The following FMNL2 variants were observed in gnomAD, a reference collection of about 807,000 sequenced individuals.
FMNL2 encodes the protein formin-like protein 2.
Under a neutral mutation model 130.2 loss-of-function variants are expected in FMNL2, and 51 were observed. That is an observed-to-expected ratio of 0.39 (90% CI 0.31 to 0.49). The LOEUF is 0.49. Among genes scored for constraint, FMNL2 ranks in the 20% least tolerant of loss-of-function variants. The pLI, the probability that FMNL2 is intolerant of heterozygous loss-of-function variation, is 0.85. For missense variants in FMNL2, 977 were observed against 1,316.2 expected (o/e 0.74, Z 3.99); for synonymous variants, 465 against 467.1 (o/e 1.00, Z 0.06).
chr2:152,445,750 A>G (rs1283232910), intron 1 of FMNL2, among the ~76,000 whole-genome samples: 3 of 152,058 alleles, frequency 2.0e-5, no homozygotes, highest in African/African-American at 7.2e-5. Context: ...AGCCTGGAGG[A>G]AGCCACATTT....
chr2:152,553,025 G>C (rs1695022491), intron 4 of FMNL2, among the ~76,000 whole-genome samples: 1 of 152,186 alleles, frequency 6.6e-6, no homozygotes, highest in Non-Finnish European at 1.5e-5. Context: ...AGAGAGAACA[G>C]GCATGAGATG....
chr2:152,470,987 A>C (rs531208442), intron 1 of FMNL2, among the ~76,000 whole-genome samples: 1 of 152,212 alleles, frequency 6.6e-6, no homozygotes, highest in African/African-American at 2.4e-5. Context: ...CCACCAGCTA[A>C]CTGTCATTGC....
chr2:152,380,588 C>T (rs1684406578), intron 1 of FMNL2, among the ~76,000 whole-genome samples: 1 of 152,220 alleles, frequency 6.6e-6, no homozygotes, highest in East Asian at 1.9e-4. Flanking sequence ...CTCAGGTTTT[C>T]CCCTTTAGCT....
chr2:152,455,936 T>C (rs145586502), intron 1 of FMNL2, among the ~76,000 whole-genome samples: 1 of 152,314 alleles, frequency 6.6e-6, no homozygotes, highest in Admixed American at 6.5e-5. Context: ...TGTGGTCTTT[T>C]AACTCCTAGC....
chr2:152,521,207 A>G (rs1054362103), intron 1 of FMNL2, among the ~76,000 whole-genome samples: 12 of 152,158 alleles, frequency 7.9e-5, no homozygotes, highest in African/African-American at 2.9e-4. Flanking sequence ...GTCATTTGGG[A>G]CATTAGATTC....
In FMNL2 at chr2:152,649,525, C is replaced by T. The variant is rs1383954297; in HGVS notation, c.*1620C>T. The T allele has an allele frequency of 6.6e-6, 1 of 152,560 alleles. No homozygotes were observed. Among genetic ancestry groups the T allele is most frequent in the African/African-American group, 2.4e-5 (1 of 41,430 alleles). 9.5% of individuals were successfully genotyped at this position (152,560 alleles called of 1,614,324 possible). A position where few individuals can be genotyped will look rare whatever the true frequency, so the allele number is the denominator to read the frequency against. On this transcript the variant is annotated 3_prime_UTR_variant, in exon 26 of 26. Transcript: ENST00000288670. ...AATGTGTACTTTACTTTAAAAAGAA[C>T]ATGCCACGATTTTGTCTTTCTGTGG...
intron 18 of FMNL2, 108 bp downstream of exon 18, chr2:152,628,641 C>A: frequency 1.1e-6 from 1 of 881,996 alleles, no homozygotes; most frequent in Non-Finnish European, 1.8e-6. Flanking sequence ...CTAAAGACTC[C>A]TTCCCAGAAC....
At chr2:152,463,776 C>T (rs2105140615) in intron 1 of FMNL2, among the ~76,000 whole-genome samples, 3 of 152,358 alleles carry the variant, frequency 2.0e-5, no homozygotes, top group Middle Eastern at 3.4e-3. Context: ...GCTCCCGGTA[C>T]TACTCAGCCA....
chr2:152,603,447 G>A lies in FMNL2; in HGVS notation c.877-3892G>A, dbSNP rs368434275. ...TAGAGGTATTTCTCTGTTTTGTAAC[G>A]CACATGTTCTCAGTAGGGATTTGTC... On this transcript the variant is annotated intron_variant, in intron 9 of 25. Coordinates refer to ENST00000288670, the MANE Select transcript of FMNL2 (RefSeq NM_052905.4). Among the ~76,000 whole-genome samples the A allele has an allele frequency of 7.6e-4, 103 of 134,794 alleles. 6 individuals are homozygous for A. The highest frequency in any genetic ancestry group is 4.5e-4 in the Admixed American group (6 of 13,314). 88.4% of individuals were successfully genotyped at this position (134,794 alleles called of 152,430 possible). A position where few individuals can be genotyped will look rare whatever the true frequency, so the allele number is the denominator to read the frequency against.
intron 1 of FMNL2, among the ~76,000 whole-genome samples, chr2:152,501,995 A>G (rs1691863238): frequency 6.6e-6 from 1 of 152,228 alleles, no homozygotes; most frequent in Non-Finnish European, 1.5e-5. Flanking sequence ...CCTGTCATTT[A>G]ACAGTAGCTT....
At chr2:152,632,201 A>G in intron 21 of FMNL2, 64 bp downstream of exon 21, 1 of 1,559,604 alleles carries the variant, frequency 6.4e-7, no homozygotes, top group Non-Finnish European at 8.7e-7. Context: ...TGGTGGAGCC[A>G]TTCCCTGCTT....
At chr2:152,553,149 A>G (rs1695029397) in intron 4 of FMNL2, among the ~76,000 whole-genome samples, 1 of 152,174 alleles carries the variant, frequency 6.6e-6, no homozygotes, top group Admixed American at 6.6e-5. Context: ...CTTCTTTATG[A>G]ATCAGTGCTG....
chr2:152,503,521 T>A (rs1691976131), intron 1 of FMNL2, among the ~76,000 whole-genome samples: 1 of 151,956 alleles, frequency 6.6e-6, no homozygotes. Flanking sequence ...TATAAGGAAG[T>A]GTATACACGG....
At chr2:152,643,717 G>T (rs1320581649) in intron 25 of FMNL2, 1 of 985,198 alleles carries the variant, frequency 1.0e-6, no homozygotes, top group Non-Finnish European at 1.2e-6. Flanking sequence ...TTCAATACAT[G>T]TATGTATTCA....
chr2:152,607,615 T>C (rs766728103), intron 10 of FMNL2: 2 of 503,206 alleles, frequency 4.0e-6, no homozygotes, highest in Non-Finnish European at 7.2e-6. Context: ...ATTCCTTACA[T>C]ACACGGTATA....
chr2:152,418,299 G>A (rs1686723346), intron 1 of FMNL2, among the ~76,000 whole-genome samples: 1 of 151,874 alleles, frequency 6.6e-6, no homozygotes, highest in Admixed American at 6.6e-5. Flanking sequence ...GTGGTAAAAC[G>A]TTAAGATAAA....
intron 1 of FMNL2, among the ~76,000 whole-genome samples, chr2:152,405,904 T>C (rs1420217929): frequency 6.6e-6 from 1 of 152,238 alleles, no homozygotes; most frequent in African/African-American, 2.4e-5. Context: ...TATTATAACA[T>C]AGTAAAGTCT....
chr2:152,499,353 T>C (rs1461334463), intron 1 of FMNL2, among the ~76,000 whole-genome samples: 1 of 152,224 alleles, frequency 6.6e-6, no homozygotes, highest in Non-Finnish European at 1.5e-5. Context: ...AGTTCCAGCC[T>C]TGAGGCCTGG....
chr2:152,377,124 A>G (rs555118914), intron 1 of FMNL2, among the ~76,000 whole-genome samples: 1 of 152,376 alleles, frequency 6.6e-6, no homozygotes, highest in East Asian at 1.9e-4. Context: ...GAAATATGAC[A>G]GCAATTGTAA....
Sources: allele counts gnomAD v4.1 joint callset (sites outside exome capture counted in the v4.1 genomes callset), GRCh38; gene constraint gnomAD v4.1.1; transcripts MANE v1.5; gene names NCBI Gene and HGNC (gene_info 2026-07-23, HGNC 2026-07-21).